XXYLT1: variants seen among roughly 807,000 people sequenced by gnomAD.
XXYLT1 encodes the protein UDP-xylose:alpha-xyloside alpha-1,3-xylosyltransferase.
In XXYLT1, 20 loss-of-function variants were observed where a neutral mutation model predicts 28.9. The ratio of observed to expected loss-of-function variants is 0.69; its 90% CI spans 0.49 to 1.00. The LOEUF is 1.00. Among genes scored for constraint, XXYLT1 ranks in the 50% least tolerant of loss-of-function variants. The pLI is 0.00. For missense variants in XXYLT1, 542 were observed against 560.1 expected (o/e 0.97, Z 0.33); for synonymous variants, 257 against 253.8 (o/e 1.01, Z -0.12).
At chr3:195,225,444 G>A (rs570348650) in intron 2 of XXYLT1, among the ~76,000 whole-genome samples, 2 of 152,290 alleles carry the variant, frequency 1.3e-5, no homozygotes, top group East Asian at 1.9e-4. Context: ...GGTTCACCAA[G>A]CACCTTCTTT....
intron 3 of XXYLT1, among the ~76,000 whole-genome samples, chr3:195,117,067 G>A (rs1307406461): frequency 6.6e-6 from 1 of 150,990 alleles, no homozygotes; most frequent in Non-Finnish European, 1.5e-5. Context: ...AATTGCTGTA[G>A]TTTATTGGGA....
rs564336743 is a variant in XXYLT1 at position 195,078,279 on chromosome 3, G to A, written c.786-8168C>T. 2.0e-5 allele frequency among the ~76,000 whole-genome samples: 3 copies of A among 152,194 alleles called. No individual in the cohort carries two copies. The highest frequency in any genetic ancestry group is 2.0e-4 in the Admixed American group (3 of 15,302). ...AATTCTGGAGAGTTCTGACATTTAG[G>A]GCGTGGAAGAAGAGGAGCCAGGAAG... On this transcript the variant is annotated intron_variant, in intron 3 of 3. Transcript: ENST00000310380. This position sits in a 1 kb window ranked among gnomAD's most constrained non-coding sequence, Gnocchi z 5.0.
intron 2 of XXYLT1, among the ~76,000 whole-genome samples, chr3:195,175,198 G>C (rs541326145): frequency 6.6e-6 from 1 of 152,326 alleles, no homozygotes; most frequent in African/African-American, 2.4e-5. Context: ...AGCGGTCAGG[G>C]AAGTACACAC....
At chr3:195,109,893 G>A (rs61721309) in intron 3 of XXYLT1, among the ~76,000 whole-genome samples, 7 of 64,162 alleles carry the variant, frequency 1.1e-4, no homozygotes, top group South Asian at 5.0e-4. Context: ...GTGTGGGTGA[G>A]GTGTGGGTGT....
intron 3 of XXYLT1, among the ~76,000 whole-genome samples, chr3:195,155,068 A>C (rs1020221465): frequency 6.6e-6 from 1 of 152,212 alleles, no homozygotes; most frequent in Admixed American, 6.5e-5. Flanking sequence ...AGGCCTACCC[A>C]GTGACTCTGG....
At chr3:195,140,612 C>T (rs1219986795) in intron 3 of XXYLT1, among the ~76,000 whole-genome samples, 1 of 151,970 alleles carries the variant, frequency 6.6e-6, no homozygotes, top group East Asian at 1.9e-4. Flanking sequence ...GAAGCAAGCA[C>T]ATCTGCACAT....
intron 2 of XXYLT1, among the ~76,000 whole-genome samples, chr3:195,165,292 C>G (rs1178807449): frequency 6.6e-6 from 1 of 152,160 alleles, no homozygotes; most frequent in African/African-American, 2.4e-5. Flanking sequence ...TTTCCTCAGC[C>G]TCCTCCAGCC....
chr3:195,135,053 G>A (rs192445301), intron 3 of XXYLT1, among the ~76,000 whole-genome samples: 2 of 152,262 alleles, frequency 1.3e-5, no homozygotes, highest in East Asian at 1.9e-4. Flanking sequence ...CCACAGGGGC[G>A]TAGATTGTTT....
In XXYLT1 at chr3:195,195,198, T is replaced by C. The variant is rs1397386538; in HGVS notation, c.652+31511A>G. Among the ~76,000 whole-genome samples the C allele has an allele frequency of 6.6e-6, 1 of 152,230 alleles. No individual in the cohort carries two copies. Among genetic ancestry groups the C allele is most frequent in the Non-Finnish European group, 1.5e-5 (1 of 68,038 alleles). ...AGGGCCACTGAGAACCCTCCAGTGA[T>C]AAAGCTGGCTACCGTTCTCATAAAT... On this transcript the variant is annotated intron_variant, in intron 2 of 3. Coordinates refer to ENST00000310380, the MANE Select transcript of XXYLT1 (RefSeq NM_152531.5). The surrounding 1 kb of genome is among the most constrained non-coding windows in gnomAD (Gnocchi z 4.4).
intron 3 of XXYLT1, among the ~76,000 whole-genome samples, chr3:195,106,910 G>C (rs996732286): frequency 6.6e-6 from 1 of 151,924 alleles, no homozygotes; most frequent in African/African-American, 2.4e-5. Context: ...GGGGGGAGGA[G>C]AGTAGACACT....
intron 3 of XXYLT1, among the ~76,000 whole-genome samples, chr3:195,126,624 C>G (rs1025316244): frequency 6.6e-6 from 1 of 151,838 alleles, no homozygotes; most frequent in East Asian, 2.0e-4. Flanking sequence ...GAAGGAAGCA[C>G]GCAGGGACAG....
chr3:195,107,173 C>G (rs1717142895), intron 3 of XXYLT1, among the ~76,000 whole-genome samples: 1 of 152,056 alleles, frequency 6.6e-6, no homozygotes. Context: ...TCCAGACGCC[C>G]TTCAAAAAGA....
intron 3 of XXYLT1, among the ~76,000 whole-genome samples, chr3:195,118,600 A>C (rs886837515): frequency 2.0e-5 from 3 of 150,166 alleles, no homozygotes; most frequent in Non-Finnish European, 3.0e-5. Flanking sequence ...TGGGCATTCC[A>C]AGCTGGGGGA....
At chr3:195,183,813 A>C (rs1305214693) in intron 2 of XXYLT1, among the ~76,000 whole-genome samples, 1 of 152,096 alleles carries the variant, frequency 6.6e-6, no homozygotes, top group East Asian at 1.9e-4. Flanking sequence ...CTAGGACTCT[A>C]CCCCTCAACA....
chr3:195,203,375 A>T (rs987513644), intron 2 of XXYLT1, among the ~76,000 whole-genome samples: 40 of 152,170 alleles, frequency 2.6e-4, no homozygotes, highest in African/African-American at 8.2e-4. Flanking sequence ...TTCTATAATG[A>T]TATATATTTC....
chr3:195,167,948 A>T (rs1271079176), intron 2 of XXYLT1, among the ~76,000 whole-genome samples: 4 of 152,300 alleles, frequency 2.6e-5, no homozygotes, highest in Non-Finnish European at 2.9e-5. Context: ...GTCCACTCAT[A>T]CTCGATGAAG....
chr3:195,245,827 C>G (rs71317953), intron 1 of XXYLT1, among the ~76,000 whole-genome samples: 1 of 152,310 alleles, frequency 6.6e-6, no homozygotes, highest in African/African-American at 2.4e-5. Context: ...CGCCTCCACT[C>G]TCTCCTGCCC....
At chr3:195,250,378 C>T (rs909961929) in intron 1 of XXYLT1, among the ~76,000 whole-genome samples, 16 of 152,142 alleles carry the variant, frequency 1.1e-4, no homozygotes, top group African/African-American at 7.2e-5. Context: ...GCCTGGCCAA[C>T]GTGGTGAAAC....
intron 3 of XXYLT1, among the ~76,000 whole-genome samples, chr3:195,101,493 T>A (rs1417023163): frequency 6.6e-6 from 1 of 152,352 alleles, no homozygotes; most frequent in East Asian, 1.9e-4. Flanking sequence ...TTCATAAATA[T>A]TTTAAAACAT....
Sources: gnomAD v4.1 joint callset for allele counts (sites outside exome capture counted in the v4.1 genomes callset) on GRCh38, gnomAD v4.1.1 for gene constraint, Gnocchi (gnomAD v3.1) non-coding constraint, MANE v1.5 for transcripts, NCBI Gene and HGNC (gene_info 2026-07-23, HGNC 2026-07-21) for gene names.